Variants in LIMS1 observed in about 807,000 individuals in gnomAD.
LIMS1 encodes LIM and senescent cell antigen-like-containing domain protein 1.
In LIMS1, 18 loss-of-function variants were observed where a neutral mutation model predicts 44.1. The ratio of observed to expected loss-of-function variants is 0.41; its 90% CI spans 0.28 to 0.61. LIMS1 has a LOEUF of 0.61. Among genes scored for constraint, LIMS1 ranks in the 20% least tolerant of loss-of-function variants. The pLI is 0.32. For missense variants in LIMS1, 201 were observed against 422.0 expected (o/e 0.48, Z 4.59); for synonymous variants, 93 against 149.1 (o/e 0.62, Z 2.74).
At chr2:108,585,205 A>G (rs1558797338) in intron 1 of LIMS1, among the ~76,000 whole-genome samples, 1 of 149,534 alleles carries the variant, frequency 6.7e-6, no homozygotes, top group Non-Finnish European at 1.5e-5. Context: ...TTTGTGTGTT[A>G]CCTTAAGGGA....
At chr2:108,656,318 T>TATAGATAGATAG (rs61527656) in intron 1 of LIMS1, among the ~76,000 whole-genome samples, 212 of 84,280 alleles carry the variant, frequency 2.5e-3, no homozygotes, top group Non-Finnish European at 2.9e-3. Flanking sequence ...TCTATCTATC[T>TATAGATAGATAG]ATAGATAGAT....
chr2:108,641,643 T>G (rs1281751208), intron 1 of LIMS1, among the ~76,000 whole-genome samples: 1 of 152,376 alleles, frequency 6.6e-6, no homozygotes, highest in Admixed American at 6.5e-5. Flanking sequence ...GTAAAAAATG[T>G]GCTATTTTCT....
chr2:108,675,841 C>G lies in LIMS1; in HGVS notation c.531-37C>G, dbSNP rs760849457. On this transcript the variant is annotated intron_variant, in intron 5 of 9. Transcript: ENST00000544547. ...AGCCCCATTGGTTGGCCACTTTTCT[C>G]TCTTAGTATTAAGCTGTGTGTCTTT... 17 of 1,613,828 alleles carry G rather than the reference C, an allele frequency of 1.1e-5. No individual in the cohort carries two copies. In the East Asian group the frequency reaches 3.1e-4, roughly 30 times the overall value.
At chr2:108,597,504 A>G (rs1381607380) in intron 1 of LIMS1, among the ~76,000 whole-genome samples, 2 of 152,186 alleles carry the variant, frequency 1.3e-5, no homozygotes, top group Admixed American at 6.5e-5. Flanking sequence ...GTTTTCTAGC[A>G]TACAACATCA....
chr2:108,605,601 A>G (rs147802468), intron 1 of LIMS1, among the ~76,000 whole-genome samples: 50 of 152,280 alleles, frequency 3.3e-4, no homozygotes, highest in African/African-American at 1.0e-3. Context: ...TACCTACTAC[A>G]TGCCCAGCAC....
At position 108,675,883 on chromosome 2, in the gene LIMS1, A is replaced by T. The variant is rs539033359; in HGVS notation, c.536A>T (p.Glu179Val). The T allele has an allele frequency of 2.9e-5, 46 of 1,613,928 alleles. No individual in the cohort carries two copies. Among genetic ancestry groups the T allele is most frequent in the Non-Finnish European group, 3.6e-5 (43 of 1,179,852 alleles). ...TGTGTCTTTCTCACGGACAGGAAGG[A>T]GCTGACTGCCGATGCACGGGAGCTG... The change falls in exon 6 of 10, where the codon GAG becomes GTG. Residue 179 changes from glutamate to valine, a missense_variant. Glu to Val is a moderately radical substitution (Grantham distance 121). This residue lies in a region of LIMS1 where 25 missense variants were observed against 24.0 expected (regional missense o/e 1.04). Transcript: ENST00000544547.
intron 5 of LIMS1, chr2:108,673,783 G>A (rs1488639549): frequency 1.3e-5 from 2 of 151,978 alleles, no homozygotes; most frequent in Non-Finnish European, 2.9e-5. Flanking sequence ...AGTAGCCCCA[G>A]AAATATTTGT....
chr2:108,551,482 C>T (rs1163175552), intron 1 of LIMS1, among the ~76,000 whole-genome samples: 18 of 76,758 alleles, frequency 2.3e-4, no homozygotes, highest in Non-Finnish European at 4.4e-4. Context: ...TACATATATG[C>T]GCGCGCGCGC....
chr2:108,574,990 G>A (rs968921529), intron 1 of LIMS1, among the ~76,000 whole-genome samples: 4 of 152,094 alleles, frequency 2.6e-5, no homozygotes, highest in African/African-American at 4.8e-5. Flanking sequence ...GATTTTTACC[G>A]TGCCTTGCTA....
At position 108,667,458 on chromosome 2, in the gene LIMS1, C is replaced by G. The variant is rs150376906; in HGVS notation, c.193-3323C>G. On this transcript the variant is annotated intron_variant, in intron 2 of 9. Coordinates refer to ENST00000544547, the Ensembl canonical transcript of LIMS1. ...GTCAGTGTTCTTGACTCCTACCTGT[C>G]TTGTTAAAAGATGTTTCCAAATTAT... Among the ~76,000 whole-genome samples, 667 of 149,764 alleles carry G rather than the reference C, an allele frequency of 4.5e-3. 6 individuals carry two copies. The highest frequency in any genetic ancestry group is 0.016 in the African/African-American group (638 of 40,636).
At chr2:108,650,618 A>G (rs572438718) in intron 1 of LIMS1, among the ~76,000 whole-genome samples, 1 of 151,992 alleles carries the variant, frequency 6.6e-6, no homozygotes, top group South Asian at 2.1e-4. Context: ...GGGTTTCATC[A>G]TGTTGGCCAG....
chr2:108,549,079 A>G (rs1482085452), intron 1 of LIMS1, among the ~76,000 whole-genome samples: 1 of 152,132 alleles, frequency 6.6e-6, no homozygotes, highest in Non-Finnish European at 1.5e-5. Flanking sequence ...GGGACAGTGC[A>G]TTGCATATAG....
chr2:108,639,997 A>C (rs111315018), intron 1 of LIMS1, among the ~76,000 whole-genome samples: 26 of 152,298 alleles, frequency 1.7e-4, no homozygotes, highest in African/African-American at 5.1e-4. Flanking sequence ...GCCATTGTTC[A>C]GTCATTTGTT....
chr2:108,590,605 G>T (rs1016095247), intron 1 of LIMS1, among the ~76,000 whole-genome samples: 1 of 152,190 alleles, frequency 6.6e-6, no homozygotes, highest in African/African-American at 2.4e-5. Context: ...TCTAAGAGAC[G>T]GCACCATGGA....
chr2:108,540,084 A>G (rs556573506), intron 1 of LIMS1, among the ~76,000 whole-genome samples: 1 of 151,076 alleles, frequency 6.6e-6, no homozygotes, highest in Non-Finnish European at 1.5e-5. Context: ...ACTTATTCCA[A>G]CTGGCTTGAA....
At chr2:108,615,728 G>A (rs1687893906) in intron 1 of LIMS1, among the ~76,000 whole-genome samples, 1 of 152,186 alleles carries the variant, frequency 6.6e-6, no homozygotes, top group African/African-American at 2.4e-5. Context: ...TGAAGAAGGA[G>A]AAAAGTGTGC....
At chr2:108,596,708 A>C (rs1686709661) in intron 1 of LIMS1, among the ~76,000 whole-genome samples, 1 of 152,260 alleles carries the variant, frequency 6.6e-6, no homozygotes, top group African/African-American at 2.4e-5. Context: ...CTGTAATCCC[A>C]GCTACTCAGG....
At chr2:108,608,440 G>A (rs548859905) in intron 1 of LIMS1, among the ~76,000 whole-genome samples, 1 of 151,868 alleles carries the variant, frequency 6.6e-6, no homozygotes, top group South Asian at 2.1e-4. Flanking sequence ...CGAGTAGCTG[G>A]GACTATAGGC....
At chr2:108,610,388 C>T (rs1687537031) in intron 1 of LIMS1, among the ~76,000 whole-genome samples, 1 of 151,974 alleles carries the variant, frequency 6.6e-6, no homozygotes, top group East Asian at 1.9e-4. Context: ...AAGAAACAAT[C>T]CTTATACTCA....
Sources: gnomAD v4.1 joint callset for allele counts (sites outside exome capture counted in the v4.1 genomes callset) on GRCh38, gnomAD v4.1.1 for gene constraint, gnomAD v4.1.1 regional missense constraint, MANE v1.5 for transcripts, NCBI Gene and HGNC (gene_info 2026-07-23, HGNC 2026-07-21) for gene names.